Variants in OR1J2 observed in about 807,000 individuals in gnomAD.
The protein encoded by OR1J2 is olfactory receptor family 1 subfamily J member 2, also known as olfactory receptor 1J2.
For synonymous variants in OR1J2, 142 were observed against 99.7 expected, an observed-to-expected ratio of 1.42 and a Z score of -2.52; for missense variants, 304 against 246.1, an observed-to-expected ratio of 1.24 and a Z score of -1.57.
chr9:122,573,574 C>T, the OR1J2 span, among the ~76,000 whole-genome samples: 2 of 151,978 alleles, frequency 1.3e-5, no homozygotes, highest in African/African-American at 2.4e-5. Context: ...ACCTTTGGCC[C>T]GTTTTTAATT....
the OR1J2 span, among the ~76,000 whole-genome samples, chr9:122,544,731 C>T: frequency 1.3e-5 from 2 of 152,134 alleles, no homozygotes; most frequent in African/African-American, 2.4e-5. Context: ...CCTGTATGGA[C>T]AACCTTGCTT....
downstream of OR1J2, among the ~76,000 whole-genome samples, chr9:122,515,396 G>A (rs1003532048): frequency 2.0e-5 from 3 of 149,970 alleles, no homozygotes; most frequent in Non-Finnish European, 3.0e-5. Flanking sequence ...GTGTGTATAC[G>A]GGTGCTCAGC....
At chr9:122,536,561 C>T in the OR1J2 span, among the ~76,000 whole-genome samples, 1 of 152,338 alleles carries the variant, frequency 6.6e-6, no homozygotes, top group South Asian at 2.1e-4. Context: ...AGATAGATAT[C>T]TTCCCGACTA....
At chr9:122,525,445 A>G in the OR1J2 span, among the ~76,000 whole-genome samples, 2 of 152,206 alleles carry the variant, frequency 1.3e-5, no homozygotes, top group African/African-American at 2.4e-5. Flanking sequence ...TCAAAACTAT[A>G]TAGCCCTTAT....
At chr9:122,572,841 C>A in the OR1J2 span, 1 of 152,248 alleles carries the variant, frequency 6.6e-6, no homozygotes, top group South Asian at 2.1e-4. Flanking sequence ...TTCTGCACAT[C>A]TGTGATTTCC....
At chr9:122,520,768 C>A in the OR1J2 span, among the ~76,000 whole-genome samples, 1 of 152,202 alleles carries the variant, frequency 6.6e-6, no homozygotes, top group African/African-American at 2.4e-5. Context: ...AAATTTGATC[C>A]TTTTCCCATT....
At chr9:122,550,555 A>G in the OR1J2 span, among the ~76,000 whole-genome samples, 1 of 136,396 alleles carries the variant, frequency 7.3e-6, no homozygotes. Context: ...CACCATGATC[A>G]AGTGGGTTTT....
chr9:122,450,424 C>T, the OR1J2 span, among the ~76,000 whole-genome samples: 7 of 151,936 alleles, frequency 4.6e-5, no homozygotes, highest in Non-Finnish European at 1.0e-4. Flanking sequence ...GAGCAAGACA[C>T]TGTCTCAAAA....
chr9:122,487,187 CATA>C, the OR1J2 span, among the ~76,000 whole-genome samples: 2 of 151,918 alleles, frequency 1.3e-5, no homozygotes, highest in African/African-American at 4.8e-5. Context: ...TTTTAAAGGA[CATA>C]ATAGGAAATT....
the OR1J2 span, among the ~76,000 whole-genome samples, chr9:122,496,633 A>G: frequency 4.6e-5 from 7 of 152,146 alleles, no homozygotes; most frequent in South Asian, 4.1e-4. Flanking sequence ...GGTTTTATAC[A>G]TTTTAGGGAG....
At chr9:122,544,528 C>G in the OR1J2 span, among the ~76,000 whole-genome samples, 1 of 143,744 alleles carries the variant, frequency 7.0e-6, no homozygotes, top group East Asian at 2.1e-4. Flanking sequence ...TCAAGTGATT[C>G]TTCTGCCTCA....
the OR1J2 span, among the ~76,000 whole-genome samples, chr9:122,495,845 G>A: frequency 6.6e-6 from 1 of 152,058 alleles, no homozygotes; most frequent in Admixed American, 6.6e-5. Flanking sequence ...GGATTCAAGG[G>A]CTGCTGTTCA....
At chr9:122,469,200 T>G in the OR1J2 span, among the ~76,000 whole-genome samples, 1 of 152,222 alleles carries the variant, frequency 6.6e-6, no homozygotes, top group South Asian at 2.1e-4. Context: ...GTGATATGGC[T>G]TGGCTCTGTG....
At chr9:122,524,826 C>G in the OR1J2 span, among the ~76,000 whole-genome samples, 2 of 152,196 alleles carry the variant, frequency 1.3e-5, no homozygotes, top group Non-Finnish European at 2.9e-5. Flanking sequence ...CTGGTGATCT[C>G]ACACCTCAGG....
the OR1J2 span, among the ~76,000 whole-genome samples, chr9:122,520,428 G>C: frequency 6.6e-6 from 1 of 152,140 alleles, no homozygotes; most frequent in African/African-American, 2.4e-5. Context: ...ACTTGTAAAG[G>C]CATTTCCCTT....
chr9:122,542,914 G>C, the OR1J2 span, among the ~76,000 whole-genome samples: 1 of 152,174 alleles, frequency 6.6e-6, no homozygotes, highest in Non-Finnish European at 1.5e-5. Flanking sequence ...CAAAGTGTTT[G>C]AGATTTATCC....
At chr9:122,570,702 C>A in the OR1J2 span, among the ~76,000 whole-genome samples, 1 of 152,130 alleles carries the variant, frequency 6.6e-6, no homozygotes, top group Non-Finnish European at 1.5e-5. Flanking sequence ...ATCTCACATG[C>A]TTAAAATATC....
chr9:122,542,301 T>G, the OR1J2 span, among the ~76,000 whole-genome samples: 3 of 152,232 alleles, frequency 2.0e-5, no homozygotes, highest in Non-Finnish European at 4.4e-5. Flanking sequence ...AGAAATATGC[T>G]CAAACATTTT....
At chr9:122,492,316 G>A in the OR1J2 span, among the ~76,000 whole-genome samples, 3 of 152,210 alleles carry the variant, frequency 2.0e-5, no homozygotes, top group East Asian at 5.8e-4. Flanking sequence ...TCATATTCCT[G>A]CAAGGGACAT....
Sources: allele counts gnomAD v4.1 joint callset (sites outside exome capture counted in the v4.1 genomes callset), GRCh38; gene constraint gnomAD v4.1.1; transcripts MANE v1.5; gene names NCBI Gene and HGNC (gene_info 2026-07-23, HGNC 2026-07-21).